Variants in MKLN1 observed in about 807,000 individuals in gnomAD.
The protein encoded by MKLN1 is muskelin.
In MKLN1, 18 loss-of-function variants were observed where a neutral mutation model predicts 99.0. The observed-to-expected ratio is 0.18, with a 90% CI of 0.13 to 0.27. The LOEUF (loss-of-function observed/expected upper bound fraction) is 0.27, where lower values mean the gene tolerates loss of function less well. Among genes scored for constraint, MKLN1 ranks in the 10% least tolerant of loss-of-function variants. The pLI, the probability that MKLN1 is intolerant of heterozygous loss-of-function variation, is 1.00. For synonymous variants in MKLN1, 288 were observed against 293.2 expected (o/e 0.98, Z 0.18); for missense variants, 621 against 875.9 (o/e 0.71, Z 3.67).
chr7:131,242,947 A>C, intron 3 of MKLN1: 1 of 653,612 alleles, frequency 1.5e-6, no homozygotes, highest in African/African-American at 1.8e-5. Context: ...GTCAAGTTTG[A>C]AGAGAGATAC....
intron 1 of MKLN1, among the ~76,000 whole-genome samples, chr7:131,339,837 G>T (rs1799354385): frequency 6.6e-6 from 1 of 152,074 alleles, no homozygotes; most frequent in South Asian, 2.1e-4. Context: ...GGTTTAGAAG[G>T]AAGATAATTG....
chr7:131,327,664 G>C, upstream of MKLN1: 1 of 568,954 alleles, frequency 1.8e-6, no homozygotes, highest in Non-Finnish European at 2.9e-6. Context: ...AAGCCCCAGG[G>C]AAGGGCCTGG....
intron 3 of MKLN1, among the ~76,000 whole-genome samples, chr7:131,220,783 C>G (rs1050248673): frequency 6.6e-6 from 1 of 152,098 alleles, no homozygotes; most frequent in African/African-American, 2.4e-5. Context: ...ATTCTGACGT[C>G]AGATATCCCG....
At chr7:131,246,261 T>C (rs539341784) in intron 3 of MKLN1, among the ~76,000 whole-genome samples, 1 of 152,186 alleles carries the variant, frequency 6.6e-6, no homozygotes, top group Non-Finnish European at 1.5e-5. Flanking sequence ...TGATGTTTGC[T>C]TGTGAGGCCC....
intron 3 of MKLN1, among the ~76,000 whole-genome samples, chr7:131,278,275 C>G (rs191474925): frequency 3.2e-4 from 48 of 152,090 alleles, no homozygotes; most frequent in Admixed American, 2.4e-3. Flanking sequence ...TGAGCTCAAG[C>G]GATCTGCCCA....
rs1328673616 is a variant in MKLN1 at position 131,442,206 on chromosome 7, G to A, written c.1174-1275G>A. ...TAGTGGTAGATAAAAATTAGGAGAT[G>A]TTAGAATCTTTTTAATAATAACTAC... is the stretch of plus-strand genomic sequence containing the variant. On this transcript the variant is annotated intron_variant, in intron 10 of 17. Transcript: ENST00000352689. Among the ~76,000 whole-genome samples, 3 of 152,160 alleles carry A rather than the reference G, an allele frequency of 2.0e-5. No homozygotes were observed. The East Asian group carries it at 5.8e-4, about 29-fold the overall frequency.
chr7:131,356,736 C>G (rs144360624), intron 1 of MKLN1, among the ~76,000 whole-genome samples: 3 of 152,122 alleles, frequency 2.0e-5, no homozygotes, highest in African/African-American at 7.2e-5. Context: ...CGAGGATTAC[C>G]TGGAGCTTAA....
At chr7:131,249,095 G>C (rs184730813) in intron 3 of MKLN1, among the ~76,000 whole-genome samples, 20 of 152,304 alleles carry the variant, frequency 1.3e-4, no homozygotes, top group Non-Finnish European at 2.2e-4. Context: ...AACATAGCCT[G>C]AGTGAAGTTA....
intron 3 of MKLN1, among the ~76,000 whole-genome samples, chr7:131,267,265 G>A (rs1194477352): frequency 6.6e-6 from 1 of 152,128 alleles, no homozygotes; most frequent in African/African-American, 2.4e-5. Context: ...CCCTAAGGAT[G>A]GAGGTTGCGT....
At chr7:131,221,828 A>C (rs1299058193) in intron 3 of MKLN1, among the ~76,000 whole-genome samples, 1 of 151,074 alleles carries the variant, frequency 6.6e-6, no homozygotes, top group Non-Finnish European at 1.5e-5. Flanking sequence ...GCCTCTTGCC[A>C]CTTTTTAAAT....
At chr7:131,364,750 C>T (rs775686409) in intron 1 of MKLN1, among the ~76,000 whole-genome samples, 7 of 152,136 alleles carry the variant, frequency 4.6e-5, no homozygotes, top group Non-Finnish European at 1.0e-4. Context: ...GGATAATAGT[C>T]TCCAGATGCA....
chr7:131,352,049 T>G (rs1325263645), intron 1 of MKLN1, among the ~76,000 whole-genome samples: 1 of 152,236 alleles, frequency 6.6e-6, no homozygotes, highest in Non-Finnish European at 1.5e-5. Context: ...ATTCTTTCCT[T>G]TTAATCACTA....
intron 1 of MKLN1, among the ~76,000 whole-genome samples, chr7:131,110,571 G>T (rs1795178224): frequency 6.6e-6 from 1 of 152,084 alleles, no homozygotes. Flanking sequence ...GCGCTTTCTG[G>T]GTTGTCTTGT....
chr7:131,287,803 T>C (rs1798155037), intron 3 of MKLN1, among the ~76,000 whole-genome samples: 1 of 152,082 alleles, frequency 6.6e-6, no homozygotes, highest in African/African-American at 2.4e-5. Context: ...GATTGGATCA[T>C]GGGGGAGGTT....
Position 131,264,648 on chromosome 7 carries a change from TGG to T in MKLN1, c.-179+61676_-179+61677del, listed in dbSNP as rs368415161. 3.3e-5 allele frequency among the ~76,000 whole-genome samples: 5 copies of T among 152,212 alleles called. No homozygotes were observed. In the East Asian group the frequency reaches 9.7e-4, roughly 29 times the overall value. ...TATTTTTGGGTCCCCGGAGGGTTTT[TGG>T]GTTTTTTTTCTTTTTAGTTATTATT... On this transcript the variant is annotated intron_variant, in intron 3 of 7. Transcript: ENST00000416992.
intron 15 of MKLN1, among the ~76,000 whole-genome samples, chr7:131,469,236 A>AGACG (rs944427225): frequency 5.3e-5 from 8 of 152,234 alleles, no homozygotes; most frequent in South Asian, 4.1e-4. Context: ...CCGGCCGGCC[A>AGACG]GACGGACGGA....
chr7:131,152,474 TTTGTTG>T (rs1014293157), intron 2 of MKLN1, among the ~76,000 whole-genome samples: 3 of 151,364 alleles, frequency 2.0e-5, no homozygotes, highest in African/African-American at 7.2e-5. Flanking sequence ...ATAACTTACT[TTTGTTG>T]TTGTTGTTGT....
At chr7:131,156,957 G>C (rs917300114) in intron 2 of MKLN1, among the ~76,000 whole-genome samples, 2 of 152,116 alleles carry the variant, frequency 1.3e-5, no homozygotes, top group African/African-American at 4.8e-5. Flanking sequence ...TTGAACCTAG[G>C]CAGTCACAGA....
chr7:131,414,828 G>C (rs1385018913), intron 8 of MKLN1, 118 bp downstream of exon 8: 2 of 449,332 alleles, frequency 4.5e-6, no homozygotes, highest in Non-Finnish European at 8.5e-6. Flanking sequence ...AATGAAATTA[G>C]ATTACCTAAA....
Sources: gnomAD v4.1 joint callset for allele counts (sites outside exome capture counted in the v4.1 genomes callset) on GRCh38, gnomAD v4.1.1 for gene constraint, MANE v1.5 for transcripts, NCBI Gene and HGNC (gene_info 2026-07-23, HGNC 2026-07-21) for gene names.